GDNF: variants seen among roughly 807,000 people sequenced by gnomAD.
GDNF encodes glial cell line-derived neurotrophic factor.
GDNF carries 5 observed loss-of-function variants against 13.7 expected under a neutral mutation model. The ratio of observed to expected loss-of-function variants is 0.36; its 90% CI spans 0.19 to 0.77. GDNF has a LOEUF of 0.77. Among genes scored for constraint, GDNF ranks in the 30% least tolerant of loss-of-function variants. GDNF has a pLI of 0.51. For synonymous variants in GDNF, 122 were observed against 112.5 expected (o/e 1.08, Z -0.53); for missense variants, 246 against 274.3 (o/e 0.90, Z 0.73).
intron 2 of GDNF, among the ~76,000 whole-genome samples, chr5:37,818,271 T>C (rs1434291924): frequency 6.6e-6 from 1 of 152,174 alleles, no homozygotes; most frequent in Non-Finnish European, 1.5e-5. Flanking sequence ...AATCCCCACA[T>C]GTTGTGGGAG....
chr5:37,816,942 G>A (rs1749952298), intron 2 of GDNF, among the ~76,000 whole-genome samples: 1 of 152,202 alleles, frequency 6.6e-6, no homozygotes, highest in Non-Finnish European at 1.5e-5. Flanking sequence ...CCTTTGAACA[G>A]CATGACTTTA....
Position 37,814,630 on chromosome 5 carries a change from TAATA to T in GDNF, c.*1017_*1020del, listed in dbSNP as rs1483147125. 6.6e-6 allele frequency: 1 copy of T among 152,234 alleles called. No individual in the cohort carries two copies. Among genetic ancestry groups the T allele is most frequent in the African/African-American group, 2.4e-5 (1 of 41,464 alleles). The allele number at this position is 152,234 out of a possible 1,614,324, so 9.4% of individuals were successfully genotyped here. ...CTTTGGCACCTTTGAAAAGAAACTT[TAATA>T]AATAAGGGAAAAAAGAGAAATTCAT... On this transcript the variant is annotated 3_prime_UTR_variant, in exon 3 of 3. Coordinates refer to ENST00000326524, the MANE Select transcript of GDNF (RefSeq NM_000514.4).
rs947524371 is a variant in GDNF, at chr5:37,834,720, T to C, written c.77A>G (p.Lys26Arg). 13 of 1,611,530 alleles carry C rather than the reference T, an allele frequency of 8.1e-6. No individual in the cohort carries two copies. The highest frequency in any genetic ancestry group is 1.0e-5 in the Non-Finnish European group (12 of 1,179,160). Residue 26 changes from lysine to arginine, a missense_variant, in exon 2 of 3, where the codon AAG becomes AGG. Transcript: ENST00000326524. Reference sequence around the variant, plus strand: ...TTCGGCGGGCGCCTCGGGAGGCCTCTTACCGGCGGGCAGCGGGAAGGCGGA... The same window carrying C: ...TTCGGCGGGCGCCTCGGGAGGCCTCCTACCGGCGGGCAGCGGGAAGGCGGA... Reference protein sequence around the residue: ...TASAFPLPAGKRPPEAPAEDR... With the variant: ...TASAFPLPAGRRPPEAPAEDR...
At chr5:37,835,171 T>C (rs1750661488) in intron 1 of GDNF, among the ~76,000 whole-genome samples, 1 of 134,032 alleles carries the variant, frequency 7.5e-6, no homozygotes, top group South Asian at 2.5e-4. Context: ...GTGCGCAACA[T>C]CCCCCATTCC....
Position 37,835,072 on chromosome 5 carries a change from T to A in GDNF, c.-26-250A>T, listed in dbSNP as rs566297765. On this transcript the variant is annotated intron_variant, in intron 1 of 2. Coordinates refer to ENST00000326524, the MANE Select transcript of GDNF (RefSeq NM_000514.4). Reference sequence around the variant, plus strand: ...GCTGCCCTTCTCCACCACACGGTCTTAGGGGTCAGAGTTTCAAGCAGGGCT... The same window carrying A: ...GCTGCCCTTCTCCACCACACGGTCTAAGGGGTCAGAGTTTCAAGCAGGGCT... Among the ~76,000 whole-genome samples, 18 of 152,214 alleles carry A rather than the reference T, an allele frequency of 1.2e-4. 1 individual carries two copies. In the South Asian group the frequency reaches 3.7e-3, roughly 32 times the overall value.
chr5:37,839,756 C>T lies in GDNF; in HGVS notation c.-276G>A, dbSNP rs1750832659. 6.6e-6 allele frequency: 1 copy of T among 152,244 alleles called. No homozygotes were observed. The highest frequency in any genetic ancestry group is 2.1e-4 in the South Asian group (1 of 4,838). 9.4% of individuals were successfully genotyped at this position (152,244 alleles called of 1,614,324 possible). A position where few individuals can be genotyped will look rare whatever the true frequency, so the allele number is the denominator to read the frequency against. On this transcript the variant is annotated 5_prime_UTR_variant, in exon 1 of 3. Coordinates refer to ENST00000326524, the MANE Select transcript of GDNF (RefSeq NM_000514.4). The surrounding 1 kb of genome is among the most constrained non-coding windows in gnomAD (Gnocchi z 5.5). ...AACTCTCCCGCCGGGCCCCCGCACC[C>T]CCAGAAGCCGAGGTCCGAGCAGCCG... is the stretch of plus-strand genomic sequence containing the variant.
intron 1 of GDNF, among the ~76,000 whole-genome samples, chr5:37,836,982 G>T (rs1458920907): frequency 6.6e-6 from 1 of 152,226 alleles, no homozygotes; most frequent in Non-Finnish European, 1.5e-5. Context: ...GCCGAGCGCC[G>T]CCAGCGCCCG....
At chr5:37,835,302 T>A in intron 1 of GDNF, 1 of 488,342 alleles carries the variant, frequency 2.0e-6, no homozygotes. Context: ...AGGACGGTGT[T>A]TCTCTTTGGA....
At chr5:37,826,914 T>C (rs1750340944) in intron 2 of GDNF, among the ~76,000 whole-genome samples, 1 of 152,172 alleles carries the variant, frequency 6.6e-6, no homozygotes, top group Non-Finnish European at 1.5e-5. Context: ...TCAGGCGCCA[T>C]ACAAAGGCAT....
At chr5:37,819,545 C>A (rs557681733) in intron 2 of GDNF, among the ~76,000 whole-genome samples, 12 of 151,620 alleles carry the variant, frequency 7.9e-5, no homozygotes, top group Admixed American at 3.3e-4. Context: ...CTCCAATTCC[C>A]GGGTTCAAGT....
chr5:37,834,580 T>C (rs1358584911), intron 2 of GDNF, 66 bp downstream of exon 2: 1 of 1,295,238 alleles, frequency 7.7e-7, no homozygotes, highest in Admixed American at 3.0e-5. Context: ...CGTGCGGGGC[T>C]GGCTGCGGGT....
rs573611538 is a variant in GDNF, at chr5:37,825,925, G to A, written c.151+8721C>T. Among the ~76,000 whole-genome samples, 6 of 152,302 alleles carry A rather than the reference G, an allele frequency of 3.9e-5. No homozygotes were observed. In the South Asian group the frequency reaches 8.3e-4, roughly 21 times the overall value. On this transcript the variant is annotated intron_variant, in intron 2 of 2. Coordinates refer to ENST00000326524, the MANE Select transcript of GDNF (RefSeq NM_000514.4). Reference sequence around the variant, plus strand: ...TTCTACCCCCAGTGAGTGAATTTACGGGAATCTCAAAGACTCTTCAGGTAA... The same window carrying A: ...TTCTACCCCCAGTGAGTGAATTTACAGGAATCTCAAAGACTCTTCAGGTAA...
At chr5:37,831,171 T>C (rs1750510731) in intron 2 of GDNF, among the ~76,000 whole-genome samples, 1 of 151,866 alleles carries the variant, frequency 6.6e-6, no homozygotes, top group Admixed American at 6.5e-5. Context: ...TTAACGATGC[T>C]CAATGTCATT....
At chr5:37,829,525 T>C (rs922053184) in intron 2 of GDNF, among the ~76,000 whole-genome samples, 1 of 152,236 alleles carries the variant, frequency 6.6e-6, no homozygotes, top group African/African-American at 2.4e-5. Flanking sequence ...AAATTTAGCC[T>C]TTTTGAGGCC....
At position 37,839,218 on chromosome 5, in the gene GDNF, G is replaced by A. The variant is rs935062186; in HGVS notation, c.-27+289C>T. ...AGAGCACCTGGCCGAGTCGGGGAAG[G>A]AAACTGCCCCTCTTGGGCATTCCGG... On this transcript the variant is annotated intron_variant, in intron 1 of 2. Coordinates refer to ENST00000326524, the MANE Select transcript of GDNF (RefSeq NM_000514.4). The surrounding 1 kb of genome is among the most constrained non-coding windows in gnomAD (Gnocchi z 5.5). Among the ~76,000 whole-genome samples the A allele has an allele frequency of 1.3e-5, 2 of 152,206 alleles. No homozygotes were observed. The highest frequency in any genetic ancestry group is 2.9e-5 in the Non-Finnish European group (2 of 68,028).
At chr5:37,822,542 C>T (rs1416065104) in intron 2 of GDNF, among the ~76,000 whole-genome samples, 2 of 152,142 alleles carry the variant, frequency 1.3e-5, no homozygotes, top group Non-Finnish European at 2.9e-5. Flanking sequence ...TGCCGAGGTG[C>T]GGTGCCATCC....
At position 37,819,613 on chromosome 5, in the gene GDNF, C is replaced by T. The variant is rs142659800; in HGVS notation, c.152-3478G>A. ...AATTACAGGTGCCCGCCATCACACC[C>T]GGCTAATTTTTGTATTTTTAGTAGA... On this transcript the variant is annotated intron_variant, in intron 2 of 2. Transcript: ENST00000326524. Among the ~76,000 whole-genome samples, 313 of 151,728 alleles carry T rather than the reference C, an allele frequency of 2.1e-3. 1 individual carries two copies. Among genetic ancestry groups the T allele is most frequent in the African/African-American group, 7.0e-3 (290 of 41,330 alleles).
At chr5:37,830,121 C>T (rs1334050549) in intron 2 of GDNF, among the ~76,000 whole-genome samples, 2 of 152,196 alleles carry the variant, frequency 1.3e-5, no homozygotes, top group Non-Finnish European at 2.9e-5. Context: ...TAGAAGCTTC[C>T]TTAGCTCTAT....
chr5:37,815,602 C>G lies in GDNF; in HGVS notation c.*49G>C. 1 of 1,584,720 alleles carries G rather than the reference C, an allele frequency of 6.3e-7. No individual in the cohort carries two copies. Among genetic ancestry groups the G allele is most frequent in the Non-Finnish European group, 8.7e-7 (1 of 1,154,060 alleles). Reference sequence around the variant, plus strand: ...ATTTCCTGGGAACCTTGGTCCCTTTCTTTGCACTGTAGCAGGAATGCAATA... The same window carrying G: ...ATTTCCTGGGAACCTTGGTCCCTTTGTTTGCACTGTAGCAGGAATGCAATA... On this transcript the variant is annotated 3_prime_UTR_variant, in exon 3 of 3. Coordinates refer to ENST00000326524, the MANE Select transcript of GDNF (RefSeq NM_000514.4). The surrounding 1 kb of genome is among the most constrained non-coding windows in gnomAD (Gnocchi z 5.0).
Sources: gnomAD v4.1 joint callset for allele counts (sites outside exome capture counted in the v4.1 genomes callset) on GRCh38, gnomAD v4.1.1 for gene constraint, Gnocchi (gnomAD v3.1) non-coding constraint, MANE v1.5 for transcripts, NCBI Gene and HGNC (gene_info 2026-07-23, HGNC 2026-07-21) for gene names.